The following MYO9A variants were observed in gnomAD, a reference collection of about 807,000 sequenced individuals.
MYO9A encodes the protein myosin IXA, also known as unconventional myosin-IXa.
MYO9A carries 103 observed loss-of-function variants against 293.3 expected under a neutral mutation model. That is an observed-to-expected ratio of 0.35 (90% CI 0.30 to 0.41). MYO9A has a LOEUF of 0.41. Ranked by LOEUF, MYO9A falls within the 10% of genes least tolerant of loss-of-function variation. The probability of loss-of-function intolerance (pLI) is 1.00; values close to 1 mark genes in which losing one functional copy is unlikely to be tolerated. For missense variants in MYO9A, 2,685 were observed against 3,033.0 expected, an observed-to-expected ratio of 0.89 and a Z score of 2.69; for synonymous variants, 1,001 against 1,035.7, an observed-to-expected ratio of 0.97 and a Z score of 0.64.
intron 1 of MYO9A, among the ~76,000 whole-genome samples, chr15:72,086,827 G>C (rs1022223130): frequency 2.0e-5 from 3 of 152,042 alleles, no homozygotes; most frequent in Non-Finnish European, 4.4e-5. Context: ...GAGTGCAATG[G>C]TGCAATCTCA....
intron 34 of MYO9A, among the ~76,000 whole-genome samples, chr15:71,859,124 AACAAC>A (rs1212681007): frequency 1.3e-5 from 2 of 152,248 alleles, no homozygotes; most frequent in African/African-American, 4.8e-5. Context: ...GTCTACTGCA[AACAAC>A]ATGCACACAC....
intron 1 of MYO9A, among the ~76,000 whole-genome samples, chr15:72,079,670 G>T (rs915122076): frequency 6.6e-6 from 1 of 152,124 alleles, no homozygotes. Flanking sequence ...GGGAATGAAA[G>T]GAAAAGATGG....
chr15:71,904,682 T>C (rs2057580209), intron 20 of MYO9A, among the ~76,000 whole-genome samples: 1 of 152,024 alleles, frequency 6.6e-6, no homozygotes, highest in African/African-American at 2.4e-5. Flanking sequence ...AAAAGAAAAT[T>C]CTTTTCTGAC....
chr15:72,097,220 G>A (rs753992051), intron 1 of MYO9A, among the ~76,000 whole-genome samples: 10 of 152,170 alleles, frequency 6.6e-5, no homozygotes, highest in Non-Finnish European at 1.2e-4. Context: ...ACAGTCCACT[G>A]ATGCAGCATA....
chr15:72,072,108 A>G (rs2079211515), intron 1 of MYO9A, among the ~76,000 whole-genome samples: 3 of 151,058 alleles, frequency 2.0e-5, no homozygotes, highest in South Asian at 2.1e-4. Context: ...AATATACATA[A>G]AAGAGAAAAA....
intron 2 of MYO9A, 135 bp downstream of exon 2, chr15:72,045,589 A>G (rs1422535671): frequency 1.9e-6 from 2 of 1,034,124 alleles, no homozygotes; most frequent in Non-Finnish European, 2.7e-6. Context: ...TGGAGCTGGG[A>G]GATGGAACAG....
chr15:71,889,444 CTTTTTTTTTTTTTTT>C (rs34913367), intron 26 of MYO9A: 1 of 87,656 alleles, frequency 1.1e-5, no homozygotes, highest in Non-Finnish European at 2.1e-5. Context: ...TCTAACAAAC[CTTTTTTTTTTTTTTT>C]TTTTTTTTTT....
At position 72,036,171 on chromosome 15, in the gene MYO9A, T is replaced by C. The variant is rs184919783; in HGVS notation, c.841-3583A>G. Among the ~76,000 whole-genome samples, 66 of 152,292 alleles carry C rather than the reference T, an allele frequency of 4.3e-4. 1 individual carries two copies. In the East Asian group the frequency reaches 0.012, roughly 27 times the overall value. On this transcript the variant is annotated intron_variant, in intron 2 of 41. Coordinates refer to ENST00000356056, the MANE Select transcript of MYO9A (RefSeq NM_006901.4). Reference sequence around the variant, plus strand: ...TCATTTAAGCAGAAGGAAAATTGTATCATATTAAAACATGGATCTATATAA... The same window carrying C: ...TCATTTAAGCAGAAGGAAAATTGTACCATATTAAAACATGGATCTATATAA...
At chr15:71,933,808 C>T (rs2058550509) in intron 17 of MYO9A, 99 bp from the exon 18 acceptor site, 4 of 974,740 alleles carry the variant, frequency 4.1e-6, no homozygotes, top group Non-Finnish European at 4.8e-6. Flanking sequence ...CCTAAAACAA[C>T]AGATTATATA....
chr15:71,895,543 T>C (rs377680272), intron 25 of MYO9A, among the ~76,000 whole-genome samples: 234 of 152,306 alleles, frequency 1.5e-3, no homozygotes, highest in African/African-American at 5.0e-3. Flanking sequence ...TTCACCTCTA[T>C]GGGCCCCAGT....
chr15:72,012,357 C>T (rs992031821), intron 6 of MYO9A, among the ~76,000 whole-genome samples: 8 of 152,182 alleles, frequency 5.3e-5, no homozygotes, highest in East Asian at 1.9e-4. Context: ...TGCAATGACG[C>T]GATGTCTGCT....
chr15:71,964,953 C>T (rs1048553880), intron 13 of MYO9A, among the ~76,000 whole-genome samples: 1 of 149,992 alleles, frequency 6.7e-6, no homozygotes, highest in Non-Finnish European at 1.5e-5. Context: ...AGACTCTTGT[C>T]TCAAAAAAAA....
chr15:72,062,204 T>C (rs1017964947), intron 1 of MYO9A, among the ~76,000 whole-genome samples: 3 of 152,090 alleles, frequency 2.0e-5, no homozygotes, highest in Non-Finnish European at 2.9e-5. Context: ...TCAATCCACT[T>C]TGAATACTTG....
At chr15:72,054,678 C>CAAA (rs11284116) in intron 1 of MYO9A, among the ~76,000 whole-genome samples, 5 of 63,922 alleles carry the variant, frequency 7.8e-5, no homozygotes, top group African/African-American at 3.3e-4. Flanking sequence ...GACTCTGTCT[C>CAAA]AAAAAAAAAA....
rs868420131 is a variant in MYO9A, at chr15:72,101,855, G to A, written c.-72+15825C>T. On this transcript the variant is annotated intron_variant, in intron 1 of 41. Transcript: ENST00000356056. ...CCCCGCCCGGCCAGCCGCCCCGTCCGGGAGGGAGGTGGGGGGGTCAGCCCC... is the reference window on the plus strand; with the variant it reads ...CCCCGCCCGGCCAGCCGCCCCGTCCAGGAGGGAGGTGGGGGGGTCAGCCCC... Among the ~76,000 whole-genome samples the A allele has an allele frequency of 2.6e-4, 39 of 150,060 alleles. No homozygotes were observed. The Middle Eastern group carries it at 0.01, about 40-fold the overall frequency.
At chr15:72,088,039 A>T (rs909894158) in intron 1 of MYO9A, among the ~76,000 whole-genome samples, 1 of 152,196 alleles carries the variant, frequency 6.6e-6, no homozygotes, top group African/African-American at 2.4e-5. Flanking sequence ...GCACTACAAA[A>T]AAAGGTCATG....
intron 1 of MYO9A, among the ~76,000 whole-genome samples, chr15:72,104,435 G>C (rs1006787223): frequency 1.3e-5 from 2 of 152,174 alleles, no homozygotes; most frequent in Admixed American, 1.3e-4. Context: ...CATGTAACTA[G>C]TATGGTAATT....
At chr15:71,922,584 A>G (rs1270290060) in intron 18 of MYO9A, among the ~76,000 whole-genome samples, 1 of 60,944 alleles carries the variant, frequency 1.6e-5, no homozygotes, top group Non-Finnish European at 3.0e-5. Context: ...TCCTTTGACC[A>G]GTGTTGTCCC....
intron 19 of MYO9A, among the ~76,000 whole-genome samples, chr15:71,916,084 G>A (rs1005419313): frequency 6.6e-6 from 1 of 152,060 alleles, no homozygotes; most frequent in African/African-American, 2.4e-5. Context: ...AAGCAGCAGG[G>A]TTTAAAGGCA....
Sources: gnomAD v4.1 joint callset for allele counts (sites outside exome capture counted in the v4.1 genomes callset) on GRCh38, gnomAD v4.1.1 for gene constraint, MANE v1.5 for transcripts, NCBI Gene and HGNC (gene_info 2026-07-23, HGNC 2026-07-21) for gene names.